FNTB: variants seen among roughly 807,000 people sequenced by gnomAD.
The protein encoded by FNTB is protein farnesyltransferase subunit beta.
FNTB carries 27 observed loss-of-function variants against 59.4 expected under a neutral mutation model. That is an observed-to-expected ratio of 0.45 (90% CI 0.34 to 0.63). The LOEUF is 0.63. Ranked by LOEUF, FNTB falls within the 20% of genes least tolerant of loss-of-function variation. The pLI is 0.02. For synonymous variants in FNTB, 230 were observed against 220.7 expected, an observed-to-expected ratio of 1.04 and a Z score of -0.37; for missense variants, 449 against 559.6, an observed-to-expected ratio of 0.80 and a Z score of 1.99.
rs771444910 is a variant in FNTB at position 64,987,089 on chromosome 14, A to T, written c.136A>T (p.Ile46Leu). The part of the protein sequence containing the change: ...QDDSVETVTS[I>L]EQAKVEEKIQ... ...CGACTCGGTGGAAACAGTCACGTCC[A>T]TAGAACAGGTGAGGTGGCAGGACTG... Residue 46 changes from isoleucine (I) to leucine (L), a missense_variant, in exon 1 of 12, where the codon ATA becomes TTA. By Grantham distance (5) the Ile-to-Leu change is conservative (BLOSUM62 2). Transcript: ENST00000246166. The T allele has an allele frequency of 3.5e-5, 56 of 1,614,092 alleles. No individual in the cohort carries two copies. In the Admixed American group the frequency reaches 6.7e-4, roughly 19 times the overall value.
At chr14:65,008,822 C>G (rs4466998) in intron 2 of FNTB, among the ~76,000 whole-genome samples, 3 of 152,006 alleles carry the variant, frequency 2.0e-5, no homozygotes, top group African/African-American at 7.2e-5. Context: ...ATAAGAAATT[C>G]TATTTAAATC....
At position 65,012,346 on chromosome 14, in the gene FNTB, A is replaced by G. The variant is rs1278363233; in HGVS notation, c.239A>G (p.His80Arg). Residue 80 changes from histidine (H) to arginine (R), a missense_variant, in exon 3 of 12, where the codon CAT (histidine) becomes CGT (arginine). Transcript: ENST00000246166. This position sits in a 1 kb window ranked among gnomAD's most constrained non-coding sequence, Gnocchi z 5.0. ...GTTTTGCAGAGGGAGAAGCACTTCC[A>G]TTATCTGAAAAGAGGCCTTCGACAA... ...RLVLQREKHFHYLKRGLRQLT... is the reference protein window; with the variant it reads ...RLVLQREKHFRYLKRGLRQLT... 5 of 1,614,192 alleles carry G rather than the reference A, an allele frequency of 3.1e-6. No individual in the cohort carries two copies. In the South Asian group the frequency reaches 3.3e-5, roughly 11 times the overall value.
At chr14:64,996,921 C>T (rs1385405412) in intron 1 of FNTB, among the ~76,000 whole-genome samples, 1 of 152,018 alleles carries the variant, frequency 6.6e-6, no homozygotes, top group Admixed American at 6.6e-5. Flanking sequence ...TGCATCCTTC[C>T]ACTTCACTTT....
Position 65,028,109 on chromosome 14 carries a change from G to A in FNTB, c.605+328G>A, listed in dbSNP as rs2062016951. ...GTGTAATGTATTCCTTCACCTCTCTGAGATAGGAAGGGAGGGGAAAGTCCA... is the reference window on the plus strand; with the variant it reads ...GTGTAATGTATTCCTTCACCTCTCTAAGATAGGAAGGGAGGGGAAAGTCCA... On this transcript the variant is annotated intron_variant, in intron 6 of 11. Coordinates refer to ENST00000246166, the MANE Select transcript of FNTB (RefSeq NM_002028.4). This position sits in a 1 kb window ranked among gnomAD's most constrained non-coding sequence, Gnocchi z 4.4. Among the ~76,000 whole-genome samples the A allele has an allele frequency of 6.6e-6, 1 of 152,204 alleles. No individual in the cohort carries two copies. The highest frequency in any genetic ancestry group is 2.4e-5 in the African/African-American group (1 of 41,454).
rs2061691262 is a variant in FNTB, at chr14:65,012,021, T to C, written c.210-296T>C. 6.6e-6 allele frequency among the ~76,000 whole-genome samples: 1 copy of C among 152,214 alleles called. No homozygotes were observed. Among genetic ancestry groups the C allele is most frequent in the African/African-American group, 2.4e-5 (1 of 41,464 alleles). On this transcript the variant is annotated intron_variant, in intron 2 of 11. Transcript: ENST00000246166. This position sits in a 1 kb window ranked among gnomAD's most constrained non-coding sequence, Gnocchi z 5.0. ...TCTGGGTGGACTGTCATTGCCTGGC[T>C]GCGTGTGCTCATTGCGGCTTTTCCG...
intron 11 of FNTB, among the ~76,000 whole-genome samples, chr14:65,058,109 AC>A (rs2139689707): frequency 7.1e-6 from 1 of 141,170 alleles, no homozygotes; most frequent in Admixed American, 6.7e-5. Context: ...GAGAGAACCA[AC>A]TTTTTTTTTT....
intron 4 of FNTB, among the ~76,000 whole-genome samples, chr14:65,024,468 G>A (rs2061944461): frequency 6.6e-6 from 1 of 152,158 alleles, no homozygotes; most frequent in Admixed American, 6.5e-5. Context: ...GCAGGACTGG[G>A]TCTCTGTATT....
intron 1 of FNTB, among the ~76,000 whole-genome samples, chr14:64,993,027 G>A (rs1042828055): frequency 2.6e-5 from 4 of 152,108 alleles, no homozygotes; most frequent in Non-Finnish European, 5.9e-5. Context: ...TGTAGAGACA[G>A]GGTTTCCCTG....
At chr14:64,987,141 G>T in intron 1 of FNTB, 44 bp downstream of exon 1, 1 of 1,609,490 alleles carries the variant, frequency 6.2e-7, no homozygotes, top group Non-Finnish European at 8.5e-7. Context: ...GATGTGTTCT[G>T]GGAGCGCGAG....
At chr14:65,036,634 GT>G (rs2062199291) in intron 7 of FNTB, among the ~76,000 whole-genome samples, 1 of 152,092 alleles carries the variant, frequency 6.6e-6, no homozygotes, top group Non-Finnish European at 1.5e-5. Context: ...TTCTCTGTAT[GT>G]TTTTTTCTTC....
chr14:65,024,711 G>A (rs1197960723), intron 4 of FNTB, among the ~76,000 whole-genome samples: 1 of 151,986 alleles, frequency 6.6e-6, no homozygotes, highest in East Asian at 1.9e-4. Flanking sequence ...AATGTTTTTT[G>A]CTTGTAATTT....
Position 65,040,809 on chromosome 14 carries a change from G to A in FNTB, c.712G>A (p.Gly238Ser). The A allele has an allele frequency of 6.2e-7, 1 of 1,613,356 alleles. No homozygotes were observed. Among genetic ancestry groups the A allele is most frequent in the Non-Finnish European group, 8.5e-7 (1 of 1,179,938 alleles). ...TCTTAGGTGTCAGAACTGGGAAGGT[G>A]GCATTGGCGGGGTACCAGGGATGGA... is the stretch of plus-strand genomic sequence containing the variant. ...WIARCQNWEG[G>S]IGGVPGMEAH... Residue 238 changes from glycine to serine, a missense_variant, in exon 8 of 12, where the codon GGC (glycine) becomes AGC (serine). This residue lies in a region of FNTB where 337 missense variants were observed against 479.1 expected (regional missense o/e 0.70). Coordinates refer to ENST00000246166, the MANE Select transcript of FNTB (RefSeq NM_002028.4).
chr14:65,053,625 T>TAAAAAAAAACAACAA (rs201558638), intron 10 of FNTB, among the ~76,000 whole-genome samples: 1 of 146,246 alleles, frequency 6.8e-6, no homozygotes, highest in African/African-American at 2.7e-5. Context: ...CTTCTTTTTT[T>TAAAAAAAAACAACAA]TAAAAAAAAC....
chr14:65,032,454 CA>C lies in FNTB; in HGVS notation c.606-155del. ...TATCCAAATAGAATGTCACACCTCT[CA>C]GTTGGAGACCCAGGAGGACTGACCG... is the stretch of plus-strand genomic sequence containing the variant. On this transcript the variant is annotated intron_variant, in intron 6 of 11. Coordinates refer to ENST00000246166, the MANE Select transcript of FNTB (RefSeq NM_002028.4). This position sits in a 1 kb window ranked among gnomAD's most constrained non-coding sequence, Gnocchi z 5.0. 1 of 613,282 alleles carries C rather than the reference CA, an allele frequency of 1.6e-6. No homozygotes were observed. Among genetic ancestry groups the C allele is most frequent in the Non-Finnish European group, 2.7e-6 (1 of 377,042 alleles). 38.0% of individuals were successfully genotyped at this position (613,282 alleles called of 1,614,324 possible). A position where few individuals can be genotyped will look rare whatever the true frequency, so the allele number is the denominator to read the frequency against.
Position 65,012,507 on chromosome 14 carries a change from C to G in FNTB, c.282+118C>G. 1 of 1,357,654 alleles carries G rather than the reference C, an allele frequency of 7.4e-7. No individual in the cohort carries two copies. The allele number at this position is 1,357,654 out of a possible 1,614,324, so 84.1% of individuals were successfully genotyped here. A position where few individuals can be genotyped will look rare whatever the true frequency, so the allele number is the denominator to read the frequency against. ...CTGTTGCAGAGTCACTCTTTGTTCT[C>G]TGTGGCTCTGGCAGGAGGTAGGGTG... On this transcript the variant is annotated intron_variant, in intron 3 of 11. Transcript: ENST00000246166. The surrounding 1 kb of genome is among the most constrained non-coding windows in gnomAD (Gnocchi z 5.0).
At position 65,032,116 on chromosome 14, in the gene FNTB, A is replaced by G. The variant is rs1053038502; in HGVS notation, c.606-494A>G. The stretch of plus-strand genomic sequence containing the variant: ...ACCTGTTCCTATCCTTGTTTGATCT[A>G]TTACAATTTGGTGGCCTGTTTTGCA... On this transcript the variant is annotated intron_variant, in intron 6 of 11. Transcript: ENST00000246166. The surrounding 1 kb of genome is among the most constrained non-coding windows in gnomAD (Gnocchi z 5.0). Among the ~76,000 whole-genome samples the G allele has an allele frequency of 6.6e-6, 1 of 151,738 alleles. No individual in the cohort carries two copies. Among genetic ancestry groups the G allele is most frequent in the South Asian group, 2.1e-4 (1 of 4,814 alleles).
At chr14:65,005,785 A>T (rs112921842) in intron 2 of FNTB, among the ~76,000 whole-genome samples, 6,804 of 151,956 alleles carry the variant, frequency 0.045, 520 homozygotes, top group African/African-American at 0.15. Context: ...GGAACACATC[A>T]CTATGCCTAG....
In FNTB at chr14:65,004,264, A is replaced by G. The variant is rs1433150558; in HGVS notation, c.160A>G (p.Lys54Glu). ...TSIEQAKVEE[K>E]IQEVFSSYKF... ...TCCTTACCAGGCAAAAGTAGAAGAA[A>G]AGATCCAAGAGGTCTTCAGTTCTTA... The change falls in exon 2 of 12, where the codon AAG (lysine) becomes GAG (glutamate). Residue 54 changes from lysine (K) to glutamate (E), a missense_variant. Around this residue, in one of 2 missense-constraint regions of FNTB, gnomAD observed 112 missense variants for 80.5 expected, o/e 1.39. Coordinates refer to ENST00000246166, the MANE Select transcript of FNTB (RefSeq NM_002028.4). The G allele has an allele frequency of 6.2e-7, 1 of 1,613,604 alleles. No homozygotes were observed. Among genetic ancestry groups the G allele is most frequent in the Admixed American group, 1.7e-5 (1 of 59,960 alleles).
chr14:65,010,219 A>T (rs1301166928), intron 2 of FNTB, among the ~76,000 whole-genome samples: 1 of 151,638 alleles, frequency 6.6e-6, no homozygotes, highest in Non-Finnish European at 1.5e-5. Context: ...GCATATGTAA[A>T]CTCTCCTGTT....
Sources: gnomAD v4.1 joint callset for allele counts (sites outside exome capture counted in the v4.1 genomes callset) on GRCh38, gnomAD v4.1.1 for gene constraint, gnomAD v4.1.1 regional missense constraint, Gnocchi (gnomAD v3.1) non-coding constraint, MANE v1.5 for transcripts, NCBI Gene and HGNC (gene_info 2026-07-23, HGNC 2026-07-21) for gene names.